The following RTL1 variants were observed in gnomAD, a reference collection of about 807,000 sequenced individuals.
RTL1 encodes the protein retrotransposon-like protein 1.
For missense variants in RTL1, 1,681 were observed against 1,767.5 expected, an observed-to-expected ratio of 0.95 and a Z score of 0.88; for synonymous variants, 727 against 748.4, an observed-to-expected ratio of 0.97 and a Z score of 0.47.
chr14:100,890,582 G>A (rs763742896), intron 3 of RTL1, among the ~76,000 whole-genome samples: 33 of 151,956 alleles, frequency 2.2e-4, no homozygotes, highest in Admixed American at 3.9e-4. Context: ...GTAAGGGAGA[G>A]GTGGGTTCTC....
intron 2 of RTL1, among the ~76,000 whole-genome samples, chr14:100,896,070 C>CAA (rs10638500): frequency 0.088 from 10,465 of 119,266 alleles, 483 homozygotes; most frequent in South Asian, 0.12. Context: ...GACTCCGTCT[C>CAA]AAAAAAAAAA....
chr14:100,895,654 T>C (rs902028659), intron 2 of RTL1, among the ~76,000 whole-genome samples: 10 of 152,124 alleles, frequency 6.6e-5, no homozygotes, highest in African/African-American at 2.4e-4. Context: ...ATATCTTTCA[T>C]TGGTACTGGC....
intron 2 of RTL1, among the ~76,000 whole-genome samples, chr14:100,895,437 A>C (rs2038842537): frequency 6.6e-6 from 1 of 152,188 alleles, no homozygotes; most frequent in Non-Finnish European, 1.5e-5. Flanking sequence ...GGTACCTTAA[A>C]GGAAATAAAA....
rs3825569 is a variant in RTL1 at position 100,883,961 on chromosome 14, T to C, written c.828A>G (p.Glu276=). Residue 276 remains glutamate (E), a synonymous_variant, in exon 4 of 4, where the codon GAA becomes GAG. Transcript: ENST00000649591. This position sits in a 1 kb window ranked among gnomAD's most constrained non-coding sequence, Gnocchi z 5.9. ...DFPAFLEAMS[E]VFEYRQALRV... Reference sequence around the variant, plus strand: ...GCAGTGCCTGGCGGTACTCAAACACTTCGGACATGGCCTCCAGGAAGGCTG... The same window carrying C: ...GCAGTGCCTGGCGGTACTCAAACACCTCGGACATGGCCTCCAGGAAGGCTG... The C allele has an allele frequency of 0.6, 930,066 of 1,551,280 alleles. 283,868 individuals are homozygous for C. The highest frequency in any genetic ancestry group is 0.63 in the Non-Finnish European group (717,926 of 1,146,882).
rs1595345346 is a variant in RTL1 at position 100,898,052 on chromosome 14, C to T, written c.-148-4547G>A. On this transcript the variant is annotated intron_variant, in intron 2 of 3. Coordinates refer to ENST00000649591, the MANE Select transcript of RTL1 (RefSeq NM_001134888.3). ...CTTTTAAGAGCTGTTTAATATTCCACGGTATGTATGCACCATTGTTGATTA... is the reference window on the plus strand; with the variant it reads ...CTTTTAAGAGCTGTTTAATATTCCATGGTATGTATGCACCATTGTTGATTA... The T allele has an allele frequency of 2.3e-5, 11 of 473,728 alleles. No individual in the cohort carries two copies. The East Asian group carries it at 4.7e-4, about 20-fold the overall frequency. The allele number at this position is 473,728 out of a possible 1,614,324, so 29.3% of individuals were successfully genotyped here.
chr14:100,897,383 T>C (rs1370321424), intron 2 of RTL1, among the ~76,000 whole-genome samples: 1 of 152,024 alleles, frequency 6.6e-6, no homozygotes, highest in East Asian at 1.9e-4. Context: ...TTAGTAAAAA[T>C]CAAACACTGC....
Position 100,883,156 on chromosome 14 carries a change from C to G in RTL1, c.1633G>C (p.Glu545Gln). The change falls in exon 4 of 4, where the codon GAG (glutamate) becomes CAG (glutamine). Residue 545 changes from glutamate (E) to glutamine (Q), a missense_variant. Transcript: ENST00000649591. This position sits in a 1 kb window ranked among gnomAD's most constrained non-coding sequence, Gnocchi z 5.9. ...FRPPPPCIAL[E>Q]RHGMSLLPGL... ...GGTAGCAGGCTCATGCCGTGCCTCT[C>G]TAGGGCAATGCATGGCGGGGGCGGG... 6.2e-7 allele frequency: 1 copy of G among 1,604,012 alleles called. No individual in the cohort carries two copies. Among genetic ancestry groups the G allele is most frequent in the Non-Finnish European group, 8.5e-7 (1 of 1,174,072 alleles).
intron 3 of RTL1, among the ~76,000 whole-genome samples, chr14:100,887,184 C>A (rs571733127): frequency 5.3e-5 from 8 of 152,168 alleles, no homozygotes; most frequent in Non-Finnish European, 1.0e-4. Context: ...CCCCAAATCT[C>A]ATCAGGTCAC....
At position 100,880,954 on chromosome 14, in the gene RTL1, G is replaced by GGGGT; in HGVS notation, c.3831_3834dup (p.Arg1279ThrfsTer17). The GGGGT allele has an allele frequency of 1.3e-6, 2 of 1,548,314 alleles. No individual in the cohort carries two copies. The highest frequency in any genetic ancestry group is 1.7e-6 in the Non-Finnish European group (2 of 1,145,544). On this transcript the variant is annotated frameshift_variant, in exon 4 of 4. Coordinates refer to ENST00000649591, the MANE Select transcript of RTL1 (RefSeq NM_001134888.3). LOFTEE classifies it low-confidence loss of function (END_TRUNC). ...TGGGGATCCATCAGGTGGCGTGGGC[G>GGGGT]GGGTGGGTGGGTGGCTGCTGTGTGG...
intron 2 of RTL1, among the ~76,000 whole-genome samples, chr14:100,901,048 C>T (rs952316396): frequency 6.6e-6 from 1 of 152,226 alleles, no homozygotes; most frequent in Admixed American, 6.5e-5. Flanking sequence ...CGCACTCCAC[C>T]TGCAACACGA....
intron 3 of RTL1, among the ~76,000 whole-genome samples, chr14:100,890,921 T>C (rs1231671523): frequency 6.6e-6 from 1 of 152,118 alleles, no homozygotes; most frequent in Non-Finnish European, 1.5e-5. Flanking sequence ...CGATTATTAT[T>C]ATTATTTATT....
chr14:100,897,021 T>C (rs941572), intron 2 of RTL1, among the ~76,000 whole-genome samples: 27,173 of 152,088 alleles, frequency 0.18, 2,801 homozygotes, highest in South Asian at 0.3. Context: ...CCGTGGGTGC[T>C]GGACAGCTTG....
Position 100,883,526 on chromosome 14 carries a change from G to A in RTL1, c.1263C>T (p.His421=), listed in dbSNP as rs1466028957. ...CCACCAGGGCCTGGACCGCGACGCTGTGGTAGGGGTTCACTCTCACCATGA... is the reference window on the plus strand; with the variant it reads ...CCACCAGGGCCTGGACCGCGACGCTATGGTAGGGGTTCACTCTCACCATGA... ...LLLMVRVNPY[H]SVAVQALVDS... The change falls in exon 4 of 4, where the codon CAC becomes CAT. Residue 421 remains histidine, a synonymous_variant. Coordinates refer to ENST00000649591, the MANE Select transcript of RTL1 (RefSeq NM_001134888.3). This position sits in a 1 kb window ranked among gnomAD's most constrained non-coding sequence, Gnocchi z 5.9. 2 of 1,551,450 alleles carry A rather than the reference G, an allele frequency of 1.3e-6. No homozygotes were observed. Among genetic ancestry groups the A allele is most frequent in the African/African-American group, 2.7e-5 (2 of 73,060 alleles).
At chr14:100,892,741 G>T (rs2038798589) in intron 3 of RTL1, among the ~76,000 whole-genome samples, 1 of 152,108 alleles carries the variant, frequency 6.6e-6, no homozygotes, top group Non-Finnish European at 1.5e-5. Flanking sequence ...GTTGGTGAGG[G>T]GTACGTGCGG....
chr14:100,899,710 T>C (rs1462666535), intron 2 of RTL1, among the ~76,000 whole-genome samples: 2 of 30,188 alleles, frequency 6.6e-5, no homozygotes, highest in Non-Finnish European at 5.0e-5. Flanking sequence ...TTTCCTGATA[T>C]TAAAAAAAAA....
chr14:100,889,367 T>C (rs1227670023), intron 3 of RTL1, among the ~76,000 whole-genome samples: 1 of 152,208 alleles, frequency 6.6e-6, no homozygotes, highest in Non-Finnish European at 1.5e-5. Context: ...AATTATTTCT[T>C]ACATTAAAAA....
intron 2 of RTL1, among the ~76,000 whole-genome samples, chr14:100,900,963 C>T (rs1262823012): frequency 6.6e-6 from 1 of 152,132 alleles, no homozygotes; most frequent in East Asian, 1.9e-4. Context: ...CAGTTTTTCC[C>T]GAAGGGCTTG....
chr14:100,882,804 C>G lies in RTL1; in HGVS notation c.1985G>C (p.Trp662Ser). 6.4e-7 allele frequency: 1 copy of G among 1,551,952 alleles called. No individual in the cohort carries two copies. The highest frequency in any genetic ancestry group is 1.4e-5 in the African/African-American group (1 of 73,166). ...CCCACGCAGCTCCAGTTTTGTGAAC[C>G]ACTCGGCTCCGTGTAACTGGTCAAA... ...ELFDQLHGAE[W>S]FTKLELRGTI... is the part of the protein sequence containing the mutation. Residue 662 changes from tryptophan to serine, a missense_variant, in exon 4 of 4, where the codon TGG becomes TCG. Transcript: ENST00000649591.
chr14:100,896,462 C>G (rs1362860282), intron 2 of RTL1, among the ~76,000 whole-genome samples: 1 of 152,092 alleles, frequency 6.6e-6, no homozygotes, highest in East Asian at 1.9e-4. Flanking sequence ...GTCTGGGAGC[C>G]TCAGTGCCTT....
Sources: gnomAD v4.1 joint callset for allele counts (sites outside exome capture counted in the v4.1 genomes callset) on GRCh38, gnomAD v4.1.1 for gene constraint, Gnocchi (gnomAD v3.1) non-coding constraint, MANE v1.5 for transcripts, NCBI Gene and HGNC (gene_info 2026-07-23, HGNC 2026-07-21) for gene names.